IGFBP7: variants seen among roughly 807,000 people sequenced by gnomAD.
IGFBP7 encodes insulin like growth factor binding protein 7.
A neutral mutation model predicts 29.4 loss-of-function variants in IGFBP7; 31 were observed. That is an observed-to-expected ratio of 1.05 (90% CI 0.79 to 1.42). The LOEUF (loss-of-function observed/expected upper bound fraction) is 1.42. Ranked by LOEUF, IGFBP7 falls within the 40% of genes most tolerant of loss-of-function variation. IGFBP7 has a pLI of 0.00. For missense variants in IGFBP7, 393 were observed against 395.5 expected (o/e 0.99, Z 0.05); for synonymous variants, 172 against 174.9 (o/e 0.98, Z 0.13).
intron 1 of IGFBP7, among the ~76,000 whole-genome samples, chr4:57,075,548 T>A (rs995159106): frequency 6.6e-6 from 1 of 152,138 alleles, no homozygotes; most frequent in African/African-American, 2.4e-5. Flanking sequence ...GTCAGATGTC[T>A]CATTGCCAAG....
chr4:57,096,172 A>G (rs1725759823), intron 1 of IGFBP7, among the ~76,000 whole-genome samples: 1 of 151,214 alleles, frequency 6.6e-6, no homozygotes, highest in African/African-American at 2.4e-5. Flanking sequence ...TCTGATTCAA[A>G]TAAGAGCTCT....
At chr4:57,063,352 C>T (rs1192584142) in intron 1 of IGFBP7, among the ~76,000 whole-genome samples, 3 of 152,148 alleles carry the variant, frequency 2.0e-5, no homozygotes, top group Non-Finnish European at 4.4e-5. Context: ...CCCATTAGAT[C>T]GTGGGCTCTG....
At position 57,032,075 on chromosome 4, in the gene IGFBP7, A is replaced by G. The variant is rs753529727; in HGVS notation, c.829+351T>C. On this transcript the variant is annotated intron_variant, in intron 4 of 4. Transcript: ENST00000295666. ...AAAGTGAAGGGCGAGAATTGCCCAC[A>G]ATCATTTTCTTTTAAATAGGAATTT... The G allele has an allele frequency of 8.0e-5, 17 of 211,508 alleles. No homozygotes were observed. In the South Asian group the frequency reaches 1.2e-3, roughly 15 times the overall value. The allele number at this position is 211,508 out of a possible 1,614,324, so 13.1% of individuals were successfully genotyped here. A position where few individuals can be genotyped will look rare whatever the true frequency, so the allele number is the denominator to read the frequency against.
intron 1 of IGFBP7, 132 bp downstream of exon 1, chr4:57,109,745 T>A (rs1161196483): frequency 8.8e-7 from 1 of 1,135,490 alleles, no homozygotes; most frequent in Non-Finnish European, 1.2e-6. Context: ...TTCCCTCCCA[T>A]CTGGCTCCTG....
chr4:57,103,415 A>G (rs1334108347), intron 1 of IGFBP7, among the ~76,000 whole-genome samples: 1 of 151,750 alleles, frequency 6.6e-6, no homozygotes, highest in Non-Finnish European at 1.5e-5. Flanking sequence ...GTCCCACCAA[A>G]CCTCATGCGA....
chr4:57,038,869 C>G (rs1413318953), intron 2 of IGFBP7, among the ~76,000 whole-genome samples: 5 of 151,926 alleles, frequency 3.3e-5, no homozygotes, highest in African/African-American at 9.7e-5. Context: ...GAGTTCGAGA[C>G]CAGCCTGACC....
At chr4:57,102,640 A>G (rs1366942382) in intron 1 of IGFBP7, among the ~76,000 whole-genome samples, 1 of 152,232 alleles carries the variant, frequency 6.6e-6, no homozygotes, top group Non-Finnish European at 1.5e-5. Flanking sequence ...TTCCCAAACG[A>G]TGAAGAAACA....
intron 1 of IGFBP7, among the ~76,000 whole-genome samples, chr4:57,093,414 C>T (rs375622405): frequency 2.6e-5 from 4 of 151,760 alleles, no homozygotes; most frequent in South Asian, 4.2e-4. Context: ...GCGGGAGAAT[C>T]GCTTGAACCT....
intron 1 of IGFBP7, among the ~76,000 whole-genome samples, chr4:57,069,514 T>C (rs1033540230): frequency 6.6e-6 from 1 of 152,102 alleles, no homozygotes; most frequent in African/African-American, 2.4e-5. Flanking sequence ...CCTTAGATGG[T>C]CTGTCCTTCT....
intron 1 of IGFBP7, among the ~76,000 whole-genome samples, chr4:57,041,914 G>A (rs938265589): frequency 2.6e-5 from 4 of 152,144 alleles, no homozygotes; most frequent in Non-Finnish European, 5.9e-5. Flanking sequence ...GTGTGCTCAG[G>A]AGAGGCAGCT....
chr4:57,031,182 A>T lies in IGFBP7; in HGVS notation c.*135T>A. ...TCTTGATGTGTGATCTTTATTTTGT[A>T]TTTCTCTGTGTAAAACCAGTGAATA... On this transcript the variant is annotated 3_prime_UTR_variant, in exon 5 of 5. Transcript: ENST00000295666. The T allele has an allele frequency of 2.4e-6, 2 of 822,622 alleles. No homozygotes were observed. Among genetic ancestry groups the T allele is most frequent in the South Asian group, 1.5e-5 (1 of 65,390 alleles). 51.0% of individuals were successfully genotyped at this position (822,622 alleles called of 1,614,324 possible). A position where few individuals can be genotyped will look rare whatever the true frequency, so the allele number is the denominator to read the frequency against.
At chr4:57,044,901 A>C (rs186972567) in intron 1 of IGFBP7, among the ~76,000 whole-genome samples, 147 of 152,274 alleles carry the variant, frequency 9.7e-4, no homozygotes, top group Middle Eastern at 3.4e-3. Flanking sequence ...GTAGAGACAG[A>C]GTCTTGCTAT....
rs2109743474 is a variant in IGFBP7, at chr4:57,040,825, T to G, written c.584A>C (p.Lys195Thr). The change falls in exon 2 of 5, where the codon AAG becomes ACG. Residue 195 changes from lysine (K) to threonine (T), a missense_variant and splice_region_variant. Lys to Thr is a moderately conservative substitution (Grantham distance 78). Transcript: ENST00000295666. ...TCTCTTAAAGTCTGTGCCACAGACC[T>G]TGTTCCAGATGAGGACAGGTGTCGG... is the stretch of plus-strand genomic sequence containing the variant. ...GIPTPVLIWNKVKRGHYGVQR... is the reference protein window; with the variant it reads ...GIPTPVLIWNTVKRGHYGVQR... 6.2e-7 allele frequency: 1 copy of G among 1,603,178 alleles called. No homozygotes were observed. The highest frequency in any genetic ancestry group is 8.5e-7 in the Non-Finnish European group (1 of 1,170,008).
chr4:57,055,794 A>C (rs1297577860), intron 1 of IGFBP7, among the ~76,000 whole-genome samples: 1 of 151,960 alleles, frequency 6.6e-6, no homozygotes, highest in African/African-American at 2.4e-5. Flanking sequence ...TCTTATCTAA[A>C]ATCCCTCGAA....
At chr4:57,057,863 G>T (rs1171388154) in intron 1 of IGFBP7, among the ~76,000 whole-genome samples, 1 of 152,194 alleles carries the variant, frequency 6.6e-6, no homozygotes, top group Non-Finnish European at 1.5e-5. Context: ...CTTGGGAAAG[G>T]GTTATGGTCT....
intron 1 of IGFBP7, among the ~76,000 whole-genome samples, chr4:57,046,280 C>G (rs979891863): frequency 6.6e-6 from 1 of 152,086 alleles, no homozygotes; most frequent in Non-Finnish European, 1.5e-5. Flanking sequence ...TCACTGCCAA[C>G]AATCATCTTG....
In IGFBP7 at chr4:57,078,900, A is replaced by T. The variant is rs1307198858; in HGVS notation, c.475+30977T>A. 4.6e-5 allele frequency among the ~76,000 whole-genome samples: 7 copies of T among 151,698 alleles called. No homozygotes were observed. The East Asian group carries it at 1.4e-3, about 29-fold the overall frequency. ...CTCAAGAGGACCAGCTCCACCACCC[A>T]CCCCTGCTGATCTGGGAGCTGCTAC... is the stretch of plus-strand genomic sequence containing the variant. On this transcript the variant is annotated intron_variant, in intron 1 of 4. Transcript: ENST00000295666.
chr4:57,040,383 A>G lies in IGFBP7; in HGVS notation c.585+441T>C, dbSNP rs144597534. Among the ~76,000 whole-genome samples, 74 of 152,286 alleles carry G rather than the reference A, an allele frequency of 4.9e-4. 1 individual carries two copies. In the East Asian group the frequency reaches 0.013, roughly 26 times the overall value. ...TAAATGTTCAGTCTTAAATGAGGAG[A>G]CTGATGCCATCACAAACAGCTTGGT... On this transcript the variant is annotated intron_variant, in intron 2 of 4. Coordinates refer to ENST00000295666, the MANE Select transcript of IGFBP7 (RefSeq NM_001553.3).
In IGFBP7 at chr4:57,031,294, C is replaced by G; in HGVS notation, c.*23G>C. 1 of 1,593,052 alleles carries G rather than the reference C, an allele frequency of 6.3e-7. No individual in the cohort carries two copies. The highest frequency in any genetic ancestry group is 8.6e-7 in the Non-Finnish European group (1 of 1,163,952). ...TTATCCATGACTACTTTTAACCATGCAGACTAATAATATTCTGGAGGTTTA... is the reference window on the plus strand; with the variant it reads ...TTATCCATGACTACTTTTAACCATGGAGACTAATAATATTCTGGAGGTTTA... On this transcript the variant is annotated 3_prime_UTR_variant, in exon 5 of 5. Transcript: ENST00000295666.
Sources: gnomAD v4.1 joint callset for allele counts (sites outside exome capture counted in the v4.1 genomes callset) on GRCh38, gnomAD v4.1.1 for gene constraint, MANE v1.5 for transcripts, NCBI Gene and HGNC (gene_info 2026-07-23, HGNC 2026-07-21) for gene names.